The following HHLA1 variants were observed in gnomAD, a reference collection of about 807,000 sequenced individuals.
The protein encoded by HHLA1 is HHLA1 neighbor of OC90, also known as HERV-H LTR-associating protein 1.
A neutral mutation model predicts 69.9 loss-of-function variants in HHLA1; 72 were observed. The ratio of observed to expected loss-of-function variants is 1.03; its 90% CI spans 0.85 to 1.25. The LOEUF (loss-of-function observed/expected upper bound fraction) is 1.25, where lower values mean the gene tolerates loss of function less well. Ranked by LOEUF, HHLA1 falls within the 50% of genes most tolerant of loss-of-function variation. The pLI, the probability that HHLA1 is intolerant of heterozygous loss-of-function variation, is 0.00. For synonymous variants in HHLA1, 252 were observed against 233.2 expected, an observed-to-expected ratio of 1.08 and a Z score of -0.73; for missense variants, 685 against 642.2, an observed-to-expected ratio of 1.07 and a Z score of -0.72.
chr8:132,087,146 AG>A (rs1823877292), intron 10 of HHLA1, among the ~76,000 whole-genome samples: 2 of 152,206 alleles, frequency 1.3e-5, no homozygotes, highest in Non-Finnish European at 2.9e-5. Context: ...GGCAATTGAC[AG>A]GCAAATAGGG....
intron 15 of HHLA1, chr8:132,069,692 G>C (rs528171441): frequency 9.9e-5 from 15 of 151,940 alleles, no homozygotes; most frequent in African/African-American, 3.4e-4. Context: ...TACGTGACTT[G>C]GTTCTATGAT....
chr8:132,106,457 G>A (rs1251901214), intron 1 of HHLA1, among the ~76,000 whole-genome samples: 2 of 152,202 alleles, frequency 1.3e-5, no homozygotes, highest in African/African-American at 2.4e-5. Context: ...AGAAGCTGGG[G>A]CTTTCGTGGA....
intron 10 of HHLA1, among the ~76,000 whole-genome samples, chr8:132,081,991 A>C (rs992692824): frequency 2.0e-5 from 3 of 152,190 alleles, no homozygotes; most frequent in Non-Finnish European, 2.9e-5. Context: ...CAATAAATCA[A>C]GCGTGATCAG....
chr8:132,077,290 A>G (rs1024046372), intron 12 of HHLA1, among the ~76,000 whole-genome samples: 7 of 152,280 alleles, frequency 4.6e-5, no homozygotes, highest in Admixed American at 6.5e-5. Context: ...CAAAGTGCAT[A>G]CATAAAGATC....
At chr8:132,088,459 C>T (rs998563232) in intron 8 of HHLA1, among the ~76,000 whole-genome samples, 1 of 152,190 alleles carries the variant, frequency 6.6e-6, no homozygotes, top group Non-Finnish European at 1.5e-5. Context: ...GATGTGCACA[C>T]TTTATTAGAT....
Position 132,087,662 on chromosome 8 carries a change from C to A in HHLA1, c.667G>T (p.Gly223Cys). 6.4e-7 allele frequency: 1 copy of A among 1,550,936 alleles called. No homozygotes were observed. Among genetic ancestry groups the A allele is most frequent in the African/African-American group, 1.4e-5 (1 of 73,100 alleles). The change falls in exon 10 of 17, where the codon GGT (glycine) becomes TGT (cysteine). Residue 223 changes from glycine (G) to cysteine (C), a missense_variant. By Grantham distance (159) the Gly-to-Cys change is radical. Coordinates refer to ENST00000414222, the MANE Select transcript of HHLA1 (RefSeq NM_001145095.3). ...INYTFTSGLS[G>C]VLGAATRGTA... ...GGAGGTTGGTACTCACCCAGAACAC[C>A]AGACAAGCCGCTGGTAAATGTGTAA...
rs149896292 is a variant in HHLA1, at chr8:132,085,990, C to T, written c.676+1663G>A. On this transcript the variant is annotated intron_variant, in intron 10 of 16. Transcript: ENST00000414222. The stretch of plus-strand genomic sequence containing the variant: ...GGGTTGCGATGGCTTGGCTTGGGCT[C>T]AGAGGCCTGACACTAAAAACCAAAA... 6.1e-3 allele frequency among the ~76,000 whole-genome samples: 924 copies of T among 152,142 alleles called. 8 individuals are homozygous for T. Among genetic ancestry groups the T allele is most frequent in the African/African-American group, 0.022 (892 of 41,472 alleles).
chr8:132,109,355 G>C (rs1205636554), intron 1 of HHLA1, among the ~76,000 whole-genome samples: 2 of 152,150 alleles, frequency 1.3e-5, no homozygotes, highest in East Asian at 3.9e-4. Context: ...AAAGTGCTTG[G>C]ATTGCAGGCG....
At chr8:132,077,358 G>A (rs1823662552) in intron 12 of HHLA1, among the ~76,000 whole-genome samples, 1 of 152,164 alleles carries the variant, frequency 6.6e-6, no homozygotes. Flanking sequence ...GGAAGGTGGA[G>A]GGGCGAGGTG....
At chr8:132,086,362 G>C (rs1410214054) in intron 10 of HHLA1, among the ~76,000 whole-genome samples, 1 of 152,300 alleles carries the variant, frequency 6.6e-6, no homozygotes, top group South Asian at 2.1e-4. Flanking sequence ...TCTAATTGCA[G>C]GAGTGGCCTT....
At chr8:132,084,489 T>A (rs1201458384) in intron 10 of HHLA1, among the ~76,000 whole-genome samples, 1 of 152,104 alleles carries the variant, frequency 6.6e-6, no homozygotes, top group East Asian at 1.9e-4. Context: ...CCTCAGACAG[T>A]TTGCCTATTT....
chr8:132,090,836 G>A (rs1364988305), intron 7 of HHLA1, among the ~76,000 whole-genome samples: 1 of 147,626 alleles, frequency 6.8e-6, no homozygotes, highest in African/African-American at 2.5e-5. Context: ...TCGGCTCACT[G>A]CAAGTTCCGC....
intron 10 of HHLA1, chr8:132,080,250 G>A (rs771877463): frequency 1.0e-4 from 47 of 467,674 alleles, no homozygotes; most frequent in Non-Finnish European, 1.7e-4. Context: ...ATGTGCGTCC[G>A]TGTGAAGAGA....
At chr8:132,065,673 C>T (rs1432833398) in intron 16 of HHLA1, among the ~76,000 whole-genome samples, 1 of 152,224 alleles carries the variant, frequency 6.6e-6, no homozygotes, top group African/African-American at 2.4e-5. Context: ...GTCAGGCTGA[C>T]TCCTGCTGTG....
intron 7 of HHLA1, among the ~76,000 whole-genome samples, chr8:132,091,004 C>G (rs2130892035): frequency 6.6e-6 from 1 of 152,236 alleles, no homozygotes; most frequent in East Asian, 1.9e-4. Context: ...TGTGCTCCAC[C>G]CGCCTCGGCC....
Position 132,077,856 on chromosome 8 carries a change from G to C in HHLA1, c.1041C>G (p.Leu347=), listed in dbSNP as rs1478701980. The C allele has an allele frequency of 6.4e-7, 1 of 1,551,424 alleles. No individual in the cohort carries two copies. Among genetic ancestry groups the C allele is most frequent in the African/African-American group, 1.4e-5 (1 of 72,990 alleles). Residue 347 remains leucine (L), a synonymous_variant, in exon 12 of 17, where the codon CTC becomes CTG. Coordinates refer to ENST00000414222, the MANE Select transcript of HHLA1 (RefSeq NM_001145095.3). ...TCGGTGGGGAAGAACGAGTTTCCCAGAGAGACCCTCCAGGTTTTTTCTCAC... is the reference window on the plus strand; with the variant it reads ...TCGGTGGGGAAGAACGAGTTTCCCACAGAGACCCTCCAGGTTTTTTCTCAC... ...TISEKKPGGS[L]WETRSSPPTT...
At chr8:132,068,433 T>A (rs1049664265) in intron 15 of HHLA1, among the ~76,000 whole-genome samples, 3 of 152,210 alleles carry the variant, frequency 2.0e-5, no homozygotes, top group African/African-American at 7.2e-5. Flanking sequence ...TATTACTTTG[T>A]AGGGAATGGA....
At chr8:132,110,651 G>T (rs2403732) in intron 1 of HHLA1, among the ~76,000 whole-genome samples, 119,006 of 152,104 alleles carry the variant, frequency 0.78, 47,344 homozygotes, top group Middle Eastern at 0.94. Flanking sequence ...AACCAGGATT[G>T]GAAGTCCAGT....
At chr8:132,083,942 A>C (rs55901563) in intron 10 of HHLA1, among the ~76,000 whole-genome samples, 1 of 148,510 alleles carries the variant, frequency 6.7e-6, no homozygotes, top group East Asian at 2.0e-4. Flanking sequence ...TGGGTGATAA[A>C]ATGTATTTTG....
Sources: allele counts gnomAD v4.1 joint callset (sites outside exome capture counted in the v4.1 genomes callset), GRCh38; gene constraint gnomAD v4.1.1; transcripts MANE v1.5; gene names NCBI Gene and HGNC (gene_info 2026-07-23, HGNC 2026-07-21).